The following TBL1XR1 variants were observed in gnomAD, a reference collection of about 807,000 sequenced individuals.
TBL1XR1 encodes TBL1X/Y related 1.
In TBL1XR1, 5 loss-of-function variants were observed where a neutral mutation model predicts 66.9. The ratio of observed to expected loss-of-function variants is 0.07; its 90% CI spans 0.04 to 0.16. The LOEUF is 0.16. Ranked by LOEUF, TBL1XR1 falls within the 10% of genes least tolerant of loss-of-function variation. The pLI is 1.00. For synonymous variants in TBL1XR1, 210 were observed against 206.0 expected, an observed-to-expected ratio of 1.02 and a Z score of -0.17; for missense variants, 238 against 623.2, an observed-to-expected ratio of 0.38 and a Z score of 6.58.
chr3:177,171,606 G>A (rs1252358050), intron 1 of TBL1XR1, among the ~76,000 whole-genome samples: 1 of 149,392 alleles, frequency 6.7e-6, no homozygotes, highest in Non-Finnish European at 1.5e-5. Flanking sequence ...GGGAGGCTGA[G>A]GCAGGAGAAT....
chr3:177,060,255 T>A (rs1024747250), intron 3 of TBL1XR1, among the ~76,000 whole-genome samples: 1 of 152,200 alleles, frequency 6.6e-6, no homozygotes, highest in Admixed American at 6.5e-5. Context: ...ACAGATTTTA[T>A]ATATTTCCTT....
chr3:177,092,927 C>T (rs1470202081), intron 2 of TBL1XR1, among the ~76,000 whole-genome samples: 1 of 152,062 alleles, frequency 6.6e-6, no homozygotes, highest in Non-Finnish European at 1.5e-5. Flanking sequence ...TGTGGTATGA[C>T]TTCTATTCAA....
At chr3:177,182,166 C>T (rs1188436478) in intron 1 of TBL1XR1, among the ~76,000 whole-genome samples, 5 of 152,110 alleles carry the variant, frequency 3.3e-5, no homozygotes, top group African/African-American at 1.2e-4. Flanking sequence ...GCAGGTGGAT[C>T]ACTTGAGCCC....
chr3:177,151,900 C>T (rs747664711), intron 1 of TBL1XR1, among the ~76,000 whole-genome samples: 1 of 151,972 alleles, frequency 6.6e-6, no homozygotes, highest in Non-Finnish European at 1.5e-5. Flanking sequence ...GGCAGGCACC[C>T]GTAATCCCAG....
At chr3:177,171,296 C>T (rs942905360) in intron 1 of TBL1XR1, 1 of 151,920 alleles carries the variant, frequency 6.6e-6, no homozygotes, top group Non-Finnish European at 1.5e-5. Context: ...GCTGAGATCG[C>T]ACCATTGCAC....
intron 1 of TBL1XR1, among the ~76,000 whole-genome samples, chr3:177,103,269 T>C (rs1325664395): frequency 1.3e-5 from 2 of 152,196 alleles, no homozygotes; most frequent in Non-Finnish European, 2.9e-5. Context: ...AAGAAGTACA[T>C]GATCAATCAC....
intron 1 of TBL1XR1, among the ~76,000 whole-genome samples, chr3:177,123,192 T>A (rs139728676): frequency 6.3e-4 from 96 of 152,260 alleles, no homozygotes; most frequent in African/African-American, 2.2e-3. Flanking sequence ...ATAGTTTTTT[T>A]AAAAATGTAC....
intron 10 of TBL1XR1, among the ~76,000 whole-genome samples, chr3:177,038,668 T>C (rs997048489): frequency 2.0e-5 from 3 of 152,212 alleles, no homozygotes; most frequent in African/African-American, 7.2e-5. Flanking sequence ...GAAAGTACAC[T>C]GGCCTAGTAA....
At chr3:177,110,532 C>A (rs551547763) in intron 1 of TBL1XR1, among the ~76,000 whole-genome samples, 1 of 152,082 alleles carries the variant, frequency 6.6e-6, no homozygotes, top group East Asian at 1.9e-4. Context: ...CACTATTCTT[C>A]AGCAGAAGAC....
At chr3:177,168,078 C>G (rs1733035117) in intron 1 of TBL1XR1, among the ~76,000 whole-genome samples, 1 of 152,188 alleles carries the variant, frequency 6.6e-6, no homozygotes, top group Non-Finnish European at 1.5e-5. Flanking sequence ...AAGCTAAATT[C>G]TTCCATGTAA....
chr3:177,112,719 G>A (rs149827348), intron 1 of TBL1XR1, among the ~76,000 whole-genome samples: 8 of 152,066 alleles, frequency 5.3e-5, no homozygotes, highest in African/African-American at 1.9e-4. Flanking sequence ...AGCCCTCAAA[G>A]ACCTGCTGGG....
chr3:177,179,556 T>C (rs1383298386), intron 1 of TBL1XR1, among the ~76,000 whole-genome samples: 1 of 152,206 alleles, frequency 6.6e-6, no homozygotes. Flanking sequence ...AGGTAAAATG[T>C]ATCCAAAGTT....
intron 3 of TBL1XR1, among the ~76,000 whole-genome samples, chr3:177,058,144 C>T (rs754329224): frequency 4.6e-5 from 7 of 152,092 alleles, no homozygotes; most frequent in Non-Finnish European, 8.8e-5. Flanking sequence ...GTAAAAAAGG[C>T]AAAGCTTAAA....
chr3:177,068,284 T>C (rs1719424570), intron 2 of TBL1XR1, among the ~76,000 whole-genome samples: 1 of 152,218 alleles, frequency 6.6e-6, no homozygotes, highest in Non-Finnish European at 1.5e-5. Context: ...CAGAAATCAC[T>C]TGTATACTCA....
chr3:177,163,233 G>A (rs561292559), intron 1 of TBL1XR1, among the ~76,000 whole-genome samples: 5 of 152,226 alleles, frequency 3.3e-5, no homozygotes, highest in African/African-American at 9.6e-5. Flanking sequence ...GAGGCCGGGC[G>A]TGGTGGCTCA....
chr3:177,083,909 GAAACCCCA>G (rs1721776771), intron 2 of TBL1XR1, among the ~76,000 whole-genome samples: 1 of 151,820 alleles, frequency 6.6e-6, no homozygotes, highest in Admixed American at 6.6e-5. Context: ...CCAACATGAT[GAAACCCCA>G]TCTCTACTAA....
rs145891612 is a variant in TBL1XR1, at chr3:177,135,752, A to ATGCT, written c.-121-37212_-121-37211insAGCA. On this transcript the variant is annotated intron_variant, in intron 1 of 15. Transcript: ENST00000457928. ...TTATTTCCAGCTTACAGCTGCAAAA[A>ATGCT]TAAGCAACTGTAATGAAATCACTGA... Among the ~76,000 whole-genome samples the ATGCT allele has an allele frequency of 3.8e-3, 582 of 151,772 alleles. 2 individuals carry two copies. Among genetic ancestry groups the ATGCT allele is most frequent in the African/African-American group, 0.013 (550 of 41,448 alleles).
chr3:177,056,882 AC>A (rs770658357), intron 3 of TBL1XR1, among the ~76,000 whole-genome samples: 5 of 152,000 alleles, frequency 3.3e-5, no homozygotes, highest in Non-Finnish European at 7.4e-5. Context: ...AGTCCCCATT[AC>A]CCTTTGCTAT....
intron 1 of TBL1XR1, among the ~76,000 whole-genome samples, chr3:177,177,170 T>A (rs1734256538): frequency 6.6e-6 from 1 of 152,100 alleles, no homozygotes; most frequent in Non-Finnish European, 1.5e-5. Context: ...TGCATGAAGT[T>A]TCTATCATAT....
Sources: gnomAD v4.1 joint callset for allele counts (sites outside exome capture counted in the v4.1 genomes callset) on GRCh38, gnomAD v4.1.1 for gene constraint, MANE v1.5 for transcripts, NCBI Gene and HGNC (gene_info 2026-07-23, HGNC 2026-07-21) for gene names.